Variants in SLIT1 observed in about 807,000 individuals in gnomAD.
SLIT1 encodes the protein slit guidance ligand 1, also known as slit homolog 1 protein.
In SLIT1, 66 loss-of-function variants were observed where a neutral mutation model predicts 186.1. The observed-to-expected ratio is 0.35, with a 90% CI of 0.29 to 0.44. The LOEUF (loss-of-function observed/expected upper bound fraction) is 0.44. Ranked by LOEUF, SLIT1 falls within the 20% of genes least tolerant of loss-of-function variation. The pLI is 1.00. For missense variants in SLIT1, 1,638 were observed against 2,037.4 expected (o/e 0.80, Z 3.77); for synonymous variants, 761 against 833.8 (o/e 0.91, Z 1.50).
chr10:97,178,704 G>T (rs930882397), intron 1 of SLIT1, among the ~76,000 whole-genome samples: 10 of 151,880 alleles, frequency 6.6e-5, no homozygotes, highest in Admixed American at 4.6e-4. Flanking sequence ...AAGGAAAAAA[G>T]TTTCAACGTC....
At chr10:97,162,559 G>A (rs538282566) in intron 3 of SLIT1, among the ~76,000 whole-genome samples, 1 of 152,298 alleles carries the variant, frequency 6.6e-6, no homozygotes, top group South Asian at 2.1e-4. Context: ...GTTGCAGTGA[G>A]CCGAGATCAC....
rs142552293 is a variant in SLIT1, at chr10:97,000,924, G to A, written c.*188C>T. 160 of 595,096 alleles carry A rather than the reference G, an allele frequency of 2.7e-4. 1 individual carries two copies. Among genetic ancestry groups the A allele is most frequent in the South Asian group, 2.7e-3 (130 of 48,726 alleles). 36.9% of individuals were successfully genotyped at this position (595,096 alleles called of 1,614,324 possible). A position where few individuals can be genotyped will look rare whatever the true frequency, so the allele number is the denominator to read the frequency against. On this transcript the variant is annotated 3_prime_UTR_variant, in exon 37 of 37. Coordinates refer to ENST00000266058, the MANE Select transcript of SLIT1 (RefSeq NM_003061.3). ...CGCAGCTCAGGCCTCGCCCACCCCCGCTGCCCCCAGCTATGGCGCAATTTG... is the reference window on the plus strand; with the variant it reads ...CGCAGCTCAGGCCTCGCCCACCCCCACTGCCCCCAGCTATGGCGCAATTTG...
intron 3 of SLIT1, among the ~76,000 whole-genome samples, chr10:97,161,221 G>T (rs930358406): frequency 7.9e-5 from 12 of 152,130 alleles, no homozygotes; most frequent in African/African-American, 2.9e-4. Flanking sequence ...CTCCTTCCCA[G>T]CACAAGAGGT....
intron 5 of SLIT1, among the ~76,000 whole-genome samples, chr10:97,065,356 G>A (rs919942211): frequency 6.6e-6 from 1 of 152,200 alleles, no homozygotes; most frequent in South Asian, 2.1e-4. Context: ...AGAATGTGGT[G>A]ACTGATTATC....
At chr10:97,138,149 C>T (rs1849720494) in intron 4 of SLIT1, among the ~76,000 whole-genome samples, 1 of 152,204 alleles carries the variant, frequency 6.6e-6, no homozygotes, top group African/African-American at 2.4e-5. Flanking sequence ...ATGAAACCTG[C>T]ATATACCGAG....
At chr10:97,075,044 C>T (rs913073232) in intron 4 of SLIT1, among the ~76,000 whole-genome samples, 1 of 152,228 alleles carries the variant, frequency 6.6e-6, no homozygotes, top group African/African-American at 2.4e-5. Flanking sequence ...TCTTGCTGCC[C>T]ACTCGGGCGC....
Position 97,184,062 on chromosome 10 carries a change from C to T in SLIT1, c.197+1416G>A, listed in dbSNP as rs924299683. ...CACACACACACACACACACACACTT[C>T]CCATCTAGATTGCATCTAGATTGCA... is the stretch of plus-strand genomic sequence containing the variant. On this transcript the variant is annotated intron_variant, in intron 1 of 36. Coordinates refer to ENST00000266058, the MANE Select transcript of SLIT1 (RefSeq NM_003061.3). The surrounding 1 kb of genome is among the most constrained non-coding windows in gnomAD (Gnocchi z 4.4). Among the ~76,000 whole-genome samples the T allele has an allele frequency of 8.0e-6, 1 of 124,782 alleles. No homozygotes were observed. The highest frequency in any genetic ancestry group is 7.8e-5 in the Admixed American group (1 of 12,880). The allele number at this position is 124,782 out of a possible 152,430, so 81.9% of individuals were successfully genotyped here.
chr10:97,044,888 C>T (rs988273671), intron 18 of SLIT1, among the ~76,000 whole-genome samples: 6 of 152,198 alleles, frequency 3.9e-5, no homozygotes, highest in African/African-American at 1.4e-4. Context: ...AAGTCCTAAT[C>T]CCCAGTGTGA....
At chr10:97,133,730 T>C (rs746639729) in intron 4 of SLIT1, among the ~76,000 whole-genome samples, 2 of 152,214 alleles carry the variant, frequency 1.3e-5, no homozygotes, top group African/African-American at 2.4e-5. Flanking sequence ...GTAGATTACA[T>C]ATAATGACAT....
At chr10:97,089,512 CT>C (rs1849206965) in intron 4 of SLIT1, among the ~76,000 whole-genome samples, 1 of 152,180 alleles carries the variant, frequency 6.6e-6, no homozygotes, top group Non-Finnish European at 1.5e-5. Flanking sequence ...AGGTGTCAGA[CT>C]CTGAAGATGA....
At chr10:97,087,331 C>A (rs2134660091) in intron 4 of SLIT1, among the ~76,000 whole-genome samples, 1 of 152,336 alleles carries the variant, frequency 6.6e-6, no homozygotes, top group African/African-American at 2.4e-5. Flanking sequence ...CCATCTCCTG[C>A]AGCCCCCTCT....
At chr10:97,086,087 A>T (rs1434197240) in intron 4 of SLIT1, among the ~76,000 whole-genome samples, 1 of 152,264 alleles carries the variant, frequency 6.6e-6, no homozygotes, top group Non-Finnish European at 1.5e-5. Context: ...CATATGATCC[A>T]GTGATCATGC....
intron 4 of SLIT1, among the ~76,000 whole-genome samples, chr10:97,077,326 C>G (rs1175885253): frequency 2.0e-5 from 3 of 152,124 alleles, no homozygotes; most frequent in Non-Finnish European, 2.9e-5. Flanking sequence ...GCCACCTCCA[C>G]TAGGCTTGGC....
chr10:97,113,805 C>T (rs928252084), intron 4 of SLIT1, among the ~76,000 whole-genome samples: 1 of 152,184 alleles, frequency 6.6e-6, no homozygotes, highest in Non-Finnish European at 1.5e-5. Context: ...ATACGCTCGC[C>T]TCGGCCTCCC....
At position 97,021,542 on chromosome 10, in the gene SLIT1, T is replaced by C; in HGVS notation, c.2583-129A>G. 1.3e-6 allele frequency: 1 copy of C among 743,816 alleles called. No individual in the cohort carries two copies. The highest frequency in any genetic ancestry group is 2.1e-6 in the Non-Finnish European group (1 of 469,620). The allele number at this position is 743,816 out of a possible 1,614,324, so 46.1% of individuals were successfully genotyped here. A position where few individuals can be genotyped will look rare whatever the true frequency, so the allele number is the denominator to read the frequency against. ...TAGCCTCCATTTCATGAGCATTTAC[T>C]GTATAGTCAGTGCTGCTTTTTTTTT... is the stretch of plus-strand genomic sequence containing the variant. On this transcript the variant is annotated intron_variant, in intron 25 of 36. Transcript: ENST00000266058. This position sits in a 1 kb window ranked among gnomAD's most constrained non-coding sequence, Gnocchi z 4.5.
chr10:97,151,636 G>A (rs540914873), intron 4 of SLIT1, among the ~76,000 whole-genome samples: 1 of 152,066 alleles, frequency 6.6e-6, no homozygotes, highest in Non-Finnish European at 1.5e-5. Flanking sequence ...ATGTAAGGAT[G>A]AGCTTTATTG....
chr10:97,160,570 G>A (rs1850012386), intron 3 of SLIT1, among the ~76,000 whole-genome samples: 1 of 152,080 alleles, frequency 6.6e-6, no homozygotes, highest in Non-Finnish European at 1.5e-5. Context: ...GTTTAGGCGA[G>A]GCAAACAACA....
At chr10:97,020,690 C>A (rs1167471985) in intron 26 of SLIT1, among the ~76,000 whole-genome samples, 1 of 152,282 alleles carries the variant, frequency 6.6e-6, no homozygotes, top group African/African-American at 2.4e-5. Context: ...TAAAGCCCGG[C>A]CCCGGCGGCC....
chr10:97,166,438 C>T (rs1850107748), intron 1 of SLIT1, among the ~76,000 whole-genome samples: 1 of 151,092 alleles, frequency 6.6e-6, no homozygotes. Context: ...ACTGCTTGAA[C>T]CCGGGAGGTG....
Sources: allele counts gnomAD v4.1 joint callset (sites outside exome capture counted in the v4.1 genomes callset), GRCh38; gene constraint gnomAD v4.1.1; non-coding constraint Gnocchi (gnomAD v3.1); transcripts MANE v1.5; gene names NCBI Gene and HGNC (gene_info 2026-07-23, HGNC 2026-07-21).